Variants in SH3GL2 observed in about 807,000 individuals in gnomAD.
The protein encoded by SH3GL2 is SH3 domain containing GRB2 like 2, endophilin A1, also known as endophilin-A1.
In SH3GL2, 24 loss-of-function variants were observed where a neutral mutation model predicts 46.0. The ratio of observed to expected loss-of-function variants is 0.52; its 90% CI spans 0.38 to 0.73. The LOEUF (loss-of-function observed/expected upper bound fraction) is 0.73. Ranked by LOEUF, SH3GL2 falls within the 30% of genes least tolerant of loss-of-function variation. The probability of loss-of-function intolerance (pLI) is 0.00; values close to 1 mark genes in which losing one functional copy is unlikely to be tolerated. For missense variants in SH3GL2, 413 were observed against 424.2 expected, an observed-to-expected ratio of 0.97 and a Z score of 0.23; for synonymous variants, 196 against 147.1, an observed-to-expected ratio of 1.33 and a Z score of -2.40.
chr9:17,646,485 C>T (rs559981272), intron 1 of SH3GL2, among the ~76,000 whole-genome samples: 94 of 152,178 alleles, frequency 6.2e-4, no homozygotes, highest in Non-Finnish European at 1.2e-3. Flanking sequence ...AGCCTTGTTG[C>T]GCTGGTTTTC....
chr9:17,639,330 A>G (rs1020777370), intron 1 of SH3GL2, among the ~76,000 whole-genome samples: 1 of 152,254 alleles, frequency 6.6e-6, no homozygotes, highest in African/African-American at 2.4e-5. Context: ...TGTGCTTAGA[A>G]TATGTGAAGA....
intron 1 of SH3GL2, among the ~76,000 whole-genome samples, chr9:17,692,279 GC>G (rs1436385166): frequency 1.1e-4 from 11 of 102,896 alleles, no homozygotes; most frequent in African/African-American, 5.0e-4. Context: ...ATTCTTATTT[GC>G]TTTTTTTTTT....
At chr9:17,725,292 A>G (rs1588275932) in intron 1 of SH3GL2, among the ~76,000 whole-genome samples, 1 of 152,088 alleles carries the variant, frequency 6.6e-6, no homozygotes, top group East Asian at 1.9e-4. Context: ...TGTGCATTCC[A>G]GGGCATGTGC....
At chr9:17,615,679 A>AAT (rs1177139040) in intron 1 of SH3GL2, among the ~76,000 whole-genome samples, 2 of 151,580 alleles carry the variant, frequency 1.3e-5, no homozygotes, top group African/African-American at 4.8e-5. Flanking sequence ...AAAAAAAAAA[A>AAT]AAAAATTCCC....
rs549517780 is a variant in SH3GL2, at chr9:17,673,045, T to C, written c.46-74021T>C. Among the ~76,000 whole-genome samples, 4 of 152,294 alleles carry C rather than the reference T, an allele frequency of 2.6e-5. No homozygotes were observed. In the South Asian group the frequency reaches 8.3e-4, roughly 32 times the overall value. ...CTTTGATTTCTTGCCCTGTTACCCT[T>C]ACACGTGGCTGTTTGCCATGGTCTG... On this transcript the variant is annotated intron_variant, in intron 1 of 8. Transcript: ENST00000380607.
chr9:17,778,038 C>T (rs897134937), intron 3 of SH3GL2, among the ~76,000 whole-genome samples: 2 of 151,948 alleles, frequency 1.3e-5, no homozygotes, highest in Non-Finnish European at 2.9e-5. Flanking sequence ...CATATTTATA[C>T]ATTTCAGTAT....
rs145200864 is a variant in SH3GL2 at position 17,717,645 on chromosome 9, C to T, written c.46-29421C>T. ...CTGCCTTCCAGGGACTCAGACAAAG[C>T]GGGGGAAGAGAAGTTAAATGATACA... On this transcript the variant is annotated intron_variant, in intron 1 of 8. Coordinates refer to ENST00000380607, the MANE Select transcript of SH3GL2 (RefSeq NM_003026.5). 1.5e-3 allele frequency among the ~76,000 whole-genome samples: 223 copies of T among 152,046 alleles called. 3 individuals are homozygous for T. The highest frequency in any genetic ancestry group is 4.7e-3 in the African/African-American group (196 of 41,476).
chr9:17,730,664 A>G lies in SH3GL2; in HGVS notation c.46-16402A>G, dbSNP rs145820535. On this transcript the variant is annotated intron_variant, in intron 1 of 8. Transcript: ENST00000380607. ...TACCTGGTTTATTAAGTGTTTTAGC[A>G]TGAAGGAGTGTTGAATTTTACAAAG... Among the ~76,000 whole-genome samples the G allele has an allele frequency of 9.1e-3, 1,379 of 152,254 alleles. 26 individuals are homozygous for G. Among genetic ancestry groups the G allele is most frequent in the African/African-American group, 0.031 (1,300 of 41,566 alleles).
chr9:17,736,382 C>T (rs1269390773), intron 1 of SH3GL2, among the ~76,000 whole-genome samples: 1 of 152,014 alleles, frequency 6.6e-6, no homozygotes, highest in Non-Finnish European at 1.5e-5. Context: ...ACTTTTATTT[C>T]CTCCATAGAG....
intron 4 of SH3GL2, among the ~76,000 whole-genome samples, chr9:17,786,996 A>G (rs563910431): frequency 6.6e-6 from 1 of 152,180 alleles, no homozygotes; most frequent in South Asian, 2.1e-4. Context: ...ACCACACCCA[A>G]CATCTTCTAT....
At position 17,777,477 on chromosome 9, in the gene SH3GL2, C is replaced by T. The variant is rs566258012; in HGVS notation, c.188-8904C>T. ...CTCCCAAATTCATTTCATTTTCCCC[C>T]GGAACCTCAGAATTTGATCTATGTC... On this transcript the variant is annotated intron_variant, in intron 3 of 8. Transcript: ENST00000380607. Among the ~76,000 whole-genome samples the T allele has an allele frequency of 1.6e-4, 25 of 152,138 alleles. No homozygotes were observed. The South Asian group carries it at 2.1e-3, about 13-fold the overall frequency.
intron 1 of SH3GL2, among the ~76,000 whole-genome samples, chr9:17,601,712 C>G (rs1818676577): frequency 6.6e-6 from 1 of 152,238 alleles, no homozygotes; most frequent in South Asian, 2.1e-4. Context: ...TTCAAGTTCT[C>G]TGGAATGCTT....
At chr9:17,737,501 A>G (rs1822375077) in intron 1 of SH3GL2, among the ~76,000 whole-genome samples, 1 of 152,046 alleles carries the variant, frequency 6.6e-6, no homozygotes, top group Non-Finnish European at 1.5e-5. Flanking sequence ...CCTACATCAC[A>G]TATACGCAGT....
chr9:17,750,528 G>C (rs1822813214), intron 2 of SH3GL2, among the ~76,000 whole-genome samples: 2 of 152,094 alleles, frequency 1.3e-5, no homozygotes, highest in Non-Finnish European at 2.9e-5. Flanking sequence ...TGCTGTCTCT[G>C]TAGGATCCCT....
chr9:17,592,262 C>G (rs149314775), intron 1 of SH3GL2, among the ~76,000 whole-genome samples: 2 of 152,202 alleles, frequency 1.3e-5, no homozygotes, highest in Admixed American at 6.5e-5. Context: ...GGCCCTCAAG[C>G]GATTGGATGT....
intron 1 of SH3GL2, among the ~76,000 whole-genome samples, chr9:17,605,154 T>G (rs1818740720): frequency 6.6e-6 from 1 of 151,774 alleles, no homozygotes; most frequent in Non-Finnish European, 1.5e-5. Context: ...TTTAGAAAAA[T>G]TTTTTGTAGA....
At chr9:17,693,504 G>A (rs1821131238) in intron 1 of SH3GL2, among the ~76,000 whole-genome samples, 1 of 152,236 alleles carries the variant, frequency 6.6e-6, no homozygotes, top group South Asian at 2.1e-4. Flanking sequence ...GGGATAGAAT[G>A]TTTTTGTTTT....
At chr9:17,776,728 T>C (rs941673809) in intron 3 of SH3GL2, among the ~76,000 whole-genome samples, 12 of 151,598 alleles carry the variant, frequency 7.9e-5, no homozygotes, top group South Asian at 2.1e-4. Context: ...CAGATGAGAA[T>C]TGAAGTGCAA....
chr9:17,684,603 T>A (rs1820857134), intron 1 of SH3GL2, among the ~76,000 whole-genome samples: 1 of 152,040 alleles, frequency 6.6e-6, no homozygotes, highest in Non-Finnish European at 1.5e-5. Context: ...ACATACCACA[T>A]AAGAAATCCA....
Sources: allele counts gnomAD v4.1 joint callset (sites outside exome capture counted in the v4.1 genomes callset), GRCh38; gene constraint gnomAD v4.1.1; transcripts MANE v1.5; gene names NCBI Gene and HGNC (gene_info 2026-07-23, HGNC 2026-07-21).